PKD1L3: variants seen among roughly 807,000 people sequenced by gnomAD.
The protein encoded by PKD1L3 is polycystin 1 like 3, transient receptor potential channel interacting, also known as polycystin-1-like protein 3.
A neutral mutation model predicts 184.1 loss-of-function variants in PKD1L3; 239 were observed. The ratio of observed to expected loss-of-function variants is 1.30; its 90% confidence interval spans 1.17 to 1.45. The LOEUF (loss-of-function observed/expected upper bound fraction) is 1.45. Among genes scored for constraint, PKD1L3 ranks in the 40% most tolerant of loss-of-function variants. The pLI, the probability that PKD1L3 is intolerant of heterozygous loss-of-function variation, is 0.00. For missense variants in PKD1L3, 2,660 were observed against 2,067.2 expected, an observed-to-expected ratio of 1.29 and a Z score of -5.56; for synonymous variants, 996 against 778.8, an observed-to-expected ratio of 1.28 and a Z score of -4.64.
chr16:71,999,653 C>T, intron 1 of PKD1L3, 31 bp downstream of exon 1: 4 of 1,420,732 alleles, frequency 2.8e-6, no homozygotes, highest in East Asian at 2.6e-5. Flanking sequence ...AAGGAAGTTT[C>T]CTTCATAAAC....
At position 71,990,298 on chromosome 16, in the gene PKD1L3, A is replaced by T. The variant is rs374916134; in HGVS notation, c.567T>A (p.Tyr189Ter). 4 of 1,548,604 alleles carry T rather than the reference A, an allele frequency of 2.6e-6. No individual in the cohort carries two copies. The highest frequency in any genetic ancestry group is 3.5e-6 in the Non-Finnish European group (4 of 1,144,646). ...GPGHLPTTCHYPLPAHLSKTL... is the reference protein window; with the variant it reads ...GPGHLPTTCH ...CACTTACAAGATGAGCAGGAAGAGG[A>T]TAGTGACATGTGGTTGGAAGATGAC... Residue 189 changes from tyrosine (Y) to a stop codon, truncating the protein, a stop_gained, in exon 4 of 30, where the codon TAT (tyrosine) becomes TAA (stop). Transcript: ENST00000620267. LOFTEE classifies it high-confidence loss of function.
Position 71,967,006 on chromosome 16 carries a change from G to A in PKD1L3, c.2465+131C>T. ...GGGCTTATTCTGTGTAGACAGCTTTGAAACTGAAATCTAATAGTCATTTGT... is the reference window on the plus strand; with the variant it reads ...GGGCTTATTCTGTGTAGACAGCTTTAAAACTGAAATCTAATAGTCATTTGT... On this transcript the variant is annotated intron_variant, in intron 15 of 29. Coordinates refer to ENST00000620267, the MANE Select transcript of PKD1L3 (RefSeq NM_181536.2). 5 of 1,078,022 alleles carry A rather than the reference G, an allele frequency of 4.6e-6. No individual in the cohort carries two copies. The South Asian group carries it at 9.1e-5, about 20-fold the overall frequency. The allele number at this position is 1,078,022 out of a possible 1,614,324, so 66.8% of individuals were successfully genotyped here. A position where few individuals can be genotyped will look rare whatever the true frequency, so the allele number is the denominator to read the frequency against.
intron 13 of PKD1L3, 104 bp downstream of exon 13, chr16:71,969,771 C>T: frequency 1.0e-6 from 1 of 996,006 alleles, no homozygotes; most frequent in South Asian, 1.8e-5. Context: ...CTATGCCTCC[C>T]AGTACCAGGC....
At chr16:71,937,187 C>G (rs1303270399) in intron 25 of PKD1L3, 105 bp downstream of exon 25, 19 of 1,172,158 alleles carry the variant, frequency 1.6e-5, no homozygotes, top group Non-Finnish European at 2.2e-5. Flanking sequence ...TCCCGAGTAG[C>G]TGGGACCACA....
At chr16:71,932,981 A>G (rs2038039777) in intron 28 of PKD1L3, among the ~76,000 whole-genome samples, 1 of 151,472 alleles carries the variant, frequency 6.6e-6, no homozygotes, top group African/African-American at 2.4e-5. Context: ...TAGTAGAGAC[A>G]AAGTCTCTAT....
At chr16:71,993,362 T>A in intron 2 of PKD1L3, 30 bp from the exon 3 acceptor site, 1 of 1,371,396 alleles carries the variant, frequency 7.3e-7, no homozygotes, top group Non-Finnish European at 1.0e-6. Flanking sequence ...CAAGTTAATT[T>A]ATAGGTTATA....
At chr16:71,978,522 C>A in intron 9 of PKD1L3, 139 bp from the exon 10 acceptor site, 5 of 114,036 alleles carry the variant, frequency 4.4e-5, no homozygotes, top group Non-Finnish European at 9.3e-5. Context: ...TATATATATA[C>A]ATACATACAT....
chr16:71,933,321 G>T, intron 28 of PKD1L3, 99 bp downstream of exon 28: 1 of 841,834 alleles, frequency 1.2e-6, no homozygotes, highest in Admixed American at 2.1e-5. Context: ...CCCTTTTCCA[G>T]TGTGCAGTGT....
intron 2 of PKD1L3, 108 bp from the exon 3 acceptor site, chr16:71,993,440 A>G: frequency 1.4e-6 from 1 of 708,134 alleles, no homozygotes; most frequent in Non-Finnish European, 2.2e-6. Context: ...AACACAAATT[A>G]AAAATTCCTA....
intron 2 of PKD1L3, among the ~76,000 whole-genome samples, chr16:71,996,733 A>G (rs753359438): frequency 2.0e-4 from 30 of 152,208 alleles, no homozygotes; most frequent in South Asian, 1.5e-3. Context: ...ACTTGGCACA[A>G]TTCTCTGGAG....
Position 71,993,361 on chromosome 16 carries a change from T to C in PKD1L3, c.419-29A>G, listed in dbSNP as rs1249267504. On this transcript the variant is annotated intron_variant, in intron 2 of 29. Transcript: ENST00000620267. ...TTTGAAAGCCAACACACAAGTTAAT[T>C]TATAGGTTATAGCTATGGCTACAAG... The C allele has an allele frequency of 2.2e-6, 3 of 1,371,002 alleles. No individual in the cohort carries two copies. The African/African-American group carries it at 4.4e-5, about 20-fold the overall frequency. The allele number at this position is 1,371,002 out of a possible 1,614,324, so 84.9% of individuals were successfully genotyped here.
chr16:71,933,948 G>C lies in PKD1L3; in HGVS notation c.4791C>G (p.Ile1597Met). 3 of 1,551,474 alleles carry C rather than the reference G, an allele frequency of 1.9e-6. No individual in the cohort carries two copies. The highest frequency in any genetic ancestry group is 2.4e-5 in the South Asian group (2 of 84,046). Residue 1597 changes from isoleucine to methionine, a missense_variant, in exon 27 of 30, where the codon ATC (isoleucine) becomes ATG (methionine). By Grantham distance (10) the Ile-to-Met change is conservative (BLOSUM62 1). Transcript: ENST00000620267. Reference sequence around the variant, plus strand: ...CATAGCCTGTCAGCAGGATTAGGATGATCAGCAGAAAGCCCACCACCTCGT... The same window carrying C: ...CATAGCCTGTCAGCAGGATTAGGATCATCAGCAGAAAGCCCACCACCTCGT... ...AWDEVVGFLL[I>M]ILILLTGYAI...
chr16:71,937,222 AT>A, intron 25 of PKD1L3, 69 bp downstream of exon 25: 1 of 1,466,484 alleles, frequency 6.8e-7, no homozygotes, highest in South Asian at 1.3e-5. Context: ...CACCTGGGTA[AT>A]TTTTGTAGTC....
In PKD1L3 at chr16:71,994,765, G is replaced by A. The variant is rs762062297; in HGVS notation, c.419-1433C>T. ...TGTAATCCCCGCACTTAGGGAGGCC[G>A]AGGAGACTGTATCACCTGAGGTCAG... On this transcript the variant is annotated intron_variant, in intron 2 of 29. Transcript: ENST00000620267. Among the ~76,000 whole-genome samples, 9 of 152,122 alleles carry A rather than the reference G, an allele frequency of 5.9e-5. 1 individual carries two copies. The South Asian group carries it at 1.2e-3, about 21-fold the overall frequency.
chr16:71,967,464 GTATAGA>G, intron 14 of PKD1L3, 149 bp from the exon 15 acceptor site: 1 of 829,454 alleles, frequency 1.2e-6, no homozygotes, highest in Admixed American at 2.9e-5. Context: ...CATATATGCA[GTATAGA>G]TATATTTTTT....
At position 71,979,868 on chromosome 16, in the gene PKD1L3, T is replaced by C. The variant is rs1398456653; in HGVS notation, c.1316A>G (p.His439Arg). 12 of 1,538,766 alleles carry C rather than the reference T, an allele frequency of 7.8e-6. No homozygotes were observed. The highest frequency in any genetic ancestry group is 1.0e-5 in the Non-Finnish European group (12 of 1,144,304). The change falls in exon 9 of 30, where the codon CAC (histidine) becomes CGC (arginine). Residue 439 changes from histidine to arginine, a missense_variant. His to Arg is a conservative substitution (Grantham distance 29). Transcript: ENST00000620267. ...AAAGCCTAGCCTCACAGGGGCTGGG[T>C]GACCCAGAGTGTAAGAGCTCAGCGG... Reference protein sequence around the residue: ...TLPLSSYTLGHPAPVRLGFPS... With the variant: ...TLPLSSYTLGRPAPVRLGFPS...
intron 22 of PKD1L3, among the ~76,000 whole-genome samples, chr16:71,946,691 A>G (rs1375538722): frequency 6.7e-6 from 1 of 149,162 alleles, no homozygotes; most frequent in Non-Finnish European, 1.5e-5. Flanking sequence ...CTGAAATGAG[A>G]AAATATAGTA....
intron 28 of PKD1L3, 134 bp downstream of exon 28, chr16:71,933,286 G>A: frequency 1.5e-6 from 1 of 686,048 alleles, no homozygotes; most frequent in Non-Finnish European, 2.6e-6. Context: ...CCATAAAGCA[G>A]TAGAGCAAAG....
chr16:71,979,222 T>C (rs1299003422), intron 9 of PKD1L3, among the ~76,000 whole-genome samples: 2 of 152,094 alleles, frequency 1.3e-5, no homozygotes, highest in Admixed American at 6.5e-5. Context: ...GGTGGGTGAA[T>C]CACTTGAGGT....
Sources: allele counts gnomAD v4.1 joint callset (sites outside exome capture counted in the v4.1 genomes callset), GRCh38; gene constraint gnomAD v4.1.1; transcripts MANE v1.5; gene names NCBI Gene and HGNC (gene_info 2026-07-23, HGNC 2026-07-21).